Variants in PROP1 observed in about 807,000 individuals in gnomAD.
The protein encoded by PROP1 is PROP paired-like homeobox 1, also known as homeobox protein prophet of Pit-1.
Under a neutral mutation model 22.3 loss-of-function variants are expected in PROP1, and 12 were observed. That is an observed-to-expected ratio of 0.54 (90% CI 0.34 to 0.87). The LOEUF (loss-of-function observed/expected upper bound fraction) is 0.87, where lower values mean the gene tolerates loss of function less well. Ranked by LOEUF, PROP1 falls within the 40% of genes least tolerant of loss-of-function variation. The pLI is 0.01. For synonymous variants in PROP1, 112 were observed against 116.7 expected (o/e 0.96, Z 0.26); for missense variants, 278 against 295.1 (o/e 0.94, Z 0.43).
chr5:177,995,954 T>C lies in PROP1; in HGVS notation c.-21A>G. The stretch of plus-strand genomic sequence containing the variant: ...TCCATGGCTCGCCACGGGGACCAAG[T>C]GTCCCTGAATCTCTGACTTGAGATT... On this transcript the variant is annotated 5_prime_UTR_variant, in exon 1 of 3. Transcript: ENST00000308304. The C allele has an allele frequency of 6.3e-7, 1 of 1,598,452 alleles. No homozygotes were observed. The highest frequency in any genetic ancestry group is 8.6e-7 in the Non-Finnish European group (1 of 1,167,312).
At position 177,992,954 on chromosome 5, in the gene PROP1, A is replaced by T. The variant is rs1410474087; in HGVS notation, c.436T>A (p.Phe146Ile). The T allele has an allele frequency of 1.2e-6, 2 of 1,613,914 alleles. No homozygotes were observed. The highest frequency in any genetic ancestry group is 2.7e-5 in the African/African-American group (2 of 74,890). ...AHLSPAAFSSFLPESTACPYS... is the reference protein window; with the variant it reads ...AHLSPAAFSSILPESTACPYS... Reference sequence around the variant, plus strand: ...GGGCAAGCAGTGGACTCTGGCAAGAAGCTGGAAAAGGCGGCAGGAGACAGA... The same window carrying T: ...GGGCAAGCAGTGGACTCTGGCAAGATGCTGGAAAAGGCGGCAGGAGACAGA... Residue 146 changes from phenylalanine (F) to isoleucine (I), a missense_variant, in exon 3 of 3, where the codon TTC becomes ATC. By Grantham distance (21) the Phe-to-Ile change is conservative. Coordinates refer to ENST00000308304, the MANE Select transcript of PROP1 (RefSeq NM_006261.5).
Position 177,996,095 on chromosome 5 carries a change from C to G in PROP1, c.-162G>C. 1 of 671,238 alleles carries G rather than the reference C, an allele frequency of 1.5e-6. No individual in the cohort carries two copies. Among genetic ancestry groups the G allele is most frequent in the South Asian group, 1.7e-5 (1 of 60,150 alleles). 41.6% of individuals were successfully genotyped at this position (671,238 alleles called of 1,614,324 possible). On this transcript the variant is annotated 5_prime_UTR_variant, in exon 1 of 3. Coordinates refer to ENST00000308304, the MANE Select transcript of PROP1 (RefSeq NM_006261.5). ...TGTAGGTGCAGGCAGCTGTCTCTGA[C>G]TTTTTCACTGTCTTTACTTTTTTTC...
Position 177,995,990 on chromosome 5 carries a change from C to G in PROP1, c.-57G>C. 1.4e-6 allele frequency: 2 copies of G among 1,470,152 alleles called. No homozygotes were observed. Among genetic ancestry groups the G allele is most frequent in the Non-Finnish European group, 1.9e-6 (2 of 1,055,960 alleles). The allele number at this position is 1,470,152 out of a possible 1,614,324, so 91.1% of individuals were successfully genotyped here. ...CTCTGACTTGAGATTTCTCTGCTTC[C>G]GCAGCTCCTCTCCACACCTGTTCCC... On this transcript the variant is annotated 5_prime_UTR_variant, in exon 1 of 3. Coordinates refer to ENST00000308304, the MANE Select transcript of PROP1 (RefSeq NM_006261.5).
At chr5:177,993,428 A>G (rs1235730225) in intron 2 of PROP1, among the ~76,000 whole-genome samples, 1 of 152,238 alleles carries the variant, frequency 6.6e-6, no homozygotes, top group Non-Finnish European at 1.5e-5. Flanking sequence ...GGTAGGGTTT[A>G]CACTTAAGGC....
At chr5:177,993,384 T>C (rs1363160255) in intron 2 of PROP1, among the ~76,000 whole-genome samples, 1 of 152,212 alleles carries the variant, frequency 6.6e-6, no homozygotes. Context: ...AGACTGTAGA[T>C]AAATGTAATT....
intron 1 of PROP1, among the ~76,000 whole-genome samples, chr5:177,995,596 C>T (rs1386454693): frequency 6.6e-6 from 1 of 152,118 alleles, no homozygotes; most frequent in Non-Finnish European, 1.5e-5. Flanking sequence ...CTCACATCCC[C>T]ACTGCAATGT....
chr5:177,992,856 C>T lies in PROP1; in HGVS notation c.534G>A (p.Gln178=), dbSNP rs73807328. The T allele has an allele frequency of 3.5e-4, 560 of 1,612,612 alleles. 6 individuals are homozygous for T. The African/African-American group carries it at 6.3e-3, about 18-fold the overall frequency. Residue 178 remains glutamine, a synonymous_variant, in exon 3 of 3, where the codon CAG becomes CAA. Transcript: ENST00000308304. ...AAGCAAAGGCGCCTCCTGTGGAGGG[C>T]TGGGAAGGGAGGGCATGGCTGTAGG... ...PHPYSHALPS[Q]PSTGGAFALS...
At chr5:177,995,006 G>A (rs1208593232) in intron 1 of PROP1, among the ~76,000 whole-genome samples, 2 of 152,150 alleles carry the variant, frequency 1.3e-5, no homozygotes, top group Non-Finnish European at 2.9e-5. Flanking sequence ...TCACCCTGTG[G>A]GTCTGCTGTG....
chr5:177,992,656 T>C lies in PROP1; in HGVS notation c.*53A>G. 7.8e-7 allele frequency: 1 copy of C among 1,288,984 alleles called. No homozygotes were observed. The highest frequency in any genetic ancestry group is 1.1e-6 in the Non-Finnish European group (1 of 924,338). The allele number at this position is 1,288,984 out of a possible 1,614,324, so 79.8% of individuals were successfully genotyped here. ...GAAAGGAAGCCACCCCATTTTCTTG[T>C]CTTTTCACGAGGGCCGCAGGCTGGG... On this transcript the variant is annotated 3_prime_UTR_variant, in exon 3 of 3. Transcript: ENST00000308304.
intron 2 of PROP1, among the ~76,000 whole-genome samples, chr5:177,993,565 A>AT (rs11371214): frequency 0.52 from 75,932 of 147,322 alleles, 19,337 homozygotes; most frequent in Non-Finnish European, 0.54. Context: ...TGGCATCACT[A>AT]TTTTTTTTTT....
At chr5:177,994,831 G>A (rs1457060867) in intron 1 of PROP1, among the ~76,000 whole-genome samples, 1 of 152,064 alleles carries the variant, frequency 6.6e-6, no homozygotes, top group East Asian at 1.9e-4. Context: ...TCTGACACCA[G>A]GCTGTGCTGT....
In PROP1 at chr5:177,993,033, G is replaced by A. The variant is rs750799213; in HGVS notation, c.357C>T (p.Asn119=). The A allele has an allele frequency of 6.2e-7, 1 of 1,613,326 alleles. No individual in the cohort carries two copies. The highest frequency in any genetic ancestry group is 1.7e-5 in the Admixed American group (1 of 59,914). Residue 119 remains asparagine, a synonymous_variant, in exon 3 of 3, where the codon AAC becomes AAT. Coordinates refer to ENST00000308304, the MANE Select transcript of PROP1 (RefSeq NM_006261.5). ...CTTGCTTCCGTTGCTTAGCTCTGCG[G>A]TTCTGGAACCAGACCTGAGAAGGGG... ...SEARIQVWFQ[N]RRAKQRKQER...
chr5:177,995,959 C>T lies in PROP1; in HGVS notation c.-26G>A, dbSNP rs1017026134. 5 of 1,595,254 alleles carry T rather than the reference C, an allele frequency of 3.1e-6. No individual in the cohort carries two copies. The highest frequency in any genetic ancestry group is 3.3e-5 in the Admixed American group (2 of 60,000). ...GGCTCGCCACGGGGACCAAGTGTCC[C>T]TGAATCTCTGACTTGAGATTTCTCT... On this transcript the variant is annotated 5_prime_UTR_variant, in exon 1 of 3. Coordinates refer to ENST00000308304, the MANE Select transcript of PROP1 (RefSeq NM_006261.5).
Position 177,994,133 on chromosome 5 carries a change from G to T in PROP1, c.315C>A (p.Asp105Glu). 6.2e-7 allele frequency: 1 copy of T among 1,614,158 alleles called. No individual in the cohort carries two copies. Among genetic ancestry groups the T allele is most frequent in the East Asian group, 2.2e-5 (1 of 44,882 alleles). The change falls in exon 2 of 3, where the codon GAC becomes GAA. Residue 105 changes from aspartate to glutamate, a missense_variant. Transcript: ENST00000308304. ...DIWARESLAR[D>E]TGLSEARIQV... is the part of the protein sequence containing the mutation. ...GGATTCGGGCCTCACTGAGGCCAGT[G>T]TCCCGGGCAAGACTCTCTCGGGCCC...
At chr5:177,995,754 T>C (rs1755751494) in intron 1 of PROP1, 71 bp downstream of exon 1, 3 of 1,194,500 alleles carry the variant, frequency 2.5e-6, no homozygotes, top group Non-Finnish European at 2.5e-6. Flanking sequence ...ACCTTCTTCA[T>C]GGAGCCTATG....
At chr5:177,995,787 C>T in intron 1 of PROP1, 38 bp downstream of exon 1, 1 of 1,531,464 alleles carries the variant, frequency 6.5e-7, no homozygotes, top group Non-Finnish European at 9.0e-7. Context: ...CACCCGCTGC[C>T]TCCTCAGGGA....
Sources: allele counts gnomAD v4.1 joint callset (sites outside exome capture counted in the v4.1 genomes callset), GRCh38; gene constraint gnomAD v4.1.1; transcripts MANE v1.5; gene names NCBI Gene and HGNC (gene_info 2026-07-23, HGNC 2026-07-21).